The following ZNF331 variants were observed in gnomAD, a reference collection of about 807,000 sequenced individuals.
ZNF331 encodes the protein zinc finger protein 331.
ZNF331 carries 2 observed loss-of-function variants against 7.0 expected under a neutral mutation model. The observed-to-expected ratio is 0.29, with a 90% CI of 0.12 to 0.90. The LOEUF is 0.90. ZNF331 is among the 40% of genes least tolerant of loss of function. The pLI is 0.58. For synonymous variants in ZNF331, 196 were observed against 205.4 expected (o/e 0.95, Z 0.39); for missense variants, 432 against 587.7 (o/e 0.74, Z 2.74).
At chr19:53,540,703 C>CT (rs34174440) in intron 2 of ZNF331, among the ~76,000 whole-genome samples, 121,784 of 151,996 alleles carry the variant, frequency 0.8, 49,392 homozygotes, top group African/African-American at 0.89. Context: ...TCCCAAAGTG[C>CT]GGGATTACAG....
chr19:53,553,091 C>G (rs1282737974), intron 2 of ZNF331, among the ~76,000 whole-genome samples: 1 of 152,096 alleles, frequency 6.6e-6, no homozygotes, highest in Non-Finnish European at 1.5e-5. Flanking sequence ...TACCGTCTTT[C>G]AATTTACATG....
At chr19:53,507,022 C>T in the ZNF331 span, among the ~76,000 whole-genome samples, 1 of 152,152 alleles carries the variant, frequency 6.6e-6, no homozygotes, top group Non-Finnish European at 1.5e-5. Flanking sequence ...GTGATCCCCG[C>T]CCTGCCAGCA....
intron 4 of ZNF331, among the ~76,000 whole-genome samples, chr19:53,570,628 G>A (rs143585280): frequency 0.011 from 1,736 of 151,944 alleles, 37 homozygotes; most frequent in African/African-American, 0.039. Flanking sequence ...TGCCTCGCGG[G>A]TTCAAGTAAT....
chr19:53,567,205 C>T (rs140416856), intron 3 of ZNF331, among the ~76,000 whole-genome samples: 5 of 152,158 alleles, frequency 3.3e-5, no homozygotes, highest in Non-Finnish European at 7.3e-5. Flanking sequence ...AAAGTGCTCT[C>T]AGATGTCACC....
intron 3 of ZNF331, among the ~76,000 whole-genome samples, chr19:53,564,269 T>TTTTTA (rs1246879108): frequency 5.3e-5 from 8 of 151,508 alleles, no homozygotes; most frequent in Admixed American, 1.3e-4. Context: ...TATACGTACC[T>TTTTTA]TTTTATTTTA....
intron 2 of ZNF331, among the ~76,000 whole-genome samples, chr19:53,546,610 T>G (rs2088636626): frequency 6.6e-6 from 1 of 151,262 alleles, no homozygotes; most frequent in Non-Finnish European, 1.5e-5. Flanking sequence ...TGTGCTTGGG[T>G]AAGGAGGGGA....
chr19:53,526,975 G>A (rs2087326006), intron 2 of ZNF331, among the ~76,000 whole-genome samples: 1 of 151,638 alleles, frequency 6.6e-6, no homozygotes, highest in African/African-American at 2.4e-5. Flanking sequence ...CGGATCACGA[G>A]GTCAGGAGTT....
At chr19:53,527,139 C>T (rs750357507) in intron 2 of ZNF331, among the ~76,000 whole-genome samples, 2 of 151,284 alleles carry the variant, frequency 1.3e-5, no homozygotes, top group Non-Finnish European at 2.9e-5. Flanking sequence ...CAGTGAGAGC[C>T]GAGATTGTGC....
At position 53,551,173 on chromosome 19, in the gene ZNF331, A is replaced by G. The variant is rs901838549; in HGVS notation, c.-137-4672A>G. Reference sequence around the variant, plus strand: ...AGGACTCCCTTAACTTTCACTCCTTATAACGGGATTAATGCAGGCCAACTG... The same window carrying G: ...AGGACTCCCTTAACTTTCACTCCTTGTAACGGGATTAATGCAGGCCAACTG... On this transcript the variant is annotated intron_variant, in intron 2 of 5. Coordinates refer to ENST00000449416, the MANE Select transcript of ZNF331 (RefSeq NM_001079906.2). 5.3e-5 allele frequency among the ~76,000 whole-genome samples: 8 copies of G among 152,286 alleles called. No homozygotes were observed. The Middle Eastern group carries it at 0.01, about 194-fold the overall frequency.
chr19:53,510,757 G>A, the ZNF331 span, among the ~76,000 whole-genome samples: 157 of 150,324 alleles, frequency 1.0e-3, no homozygotes, highest in African/African-American at 3.8e-3. Flanking sequence ...TAGCTTATGA[G>A]CAATTGATTT....
In ZNF331 at chr19:53,578,592, A is replaced by T; in HGVS notation, c.*640A>T. 4.8e-6 allele frequency: 1 copy of T among 208,560 alleles called. No individual in the cohort carries two copies. The highest frequency in any genetic ancestry group is 5.9e-5 in the Admixed American group (1 of 17,034). 12.9% of individuals were successfully genotyped at this position (208,560 alleles called of 1,614,324 possible). ...GTATGTACAGGAAAAAATGTAGTAT[A>T]TAGTATCGTATATATGTACAGGAAA... On this transcript the variant is annotated 3_prime_UTR_variant, in exon 6 of 6. Transcript: ENST00000449416.
chr19:53,554,699 A>C (rs1191028739), intron 2 of ZNF331: 1 of 152,092 alleles, frequency 6.6e-6, no homozygotes, highest in African/African-American at 2.4e-5. Context: ...CGCAGGTGAG[A>C]TTGGCGCCCA....
chr19:53,543,854 A>G (rs1279950452), intron 2 of ZNF331, among the ~76,000 whole-genome samples: 1 of 152,230 alleles, frequency 6.6e-6, no homozygotes, highest in Non-Finnish European at 1.5e-5. Flanking sequence ...CACAACCTGT[A>G]TTCTTAATTT....
Position 53,578,003 on chromosome 19 carries a change from C to G in ZNF331, c.*51C>G. 1 of 1,539,772 alleles carries G rather than the reference C, an allele frequency of 6.5e-7. No individual in the cohort carries two copies. The highest frequency in any genetic ancestry group is 8.7e-7 in the Non-Finnish European group (1 of 1,142,964). On this transcript the variant is annotated 3_prime_UTR_variant, in exon 6 of 6. Coordinates refer to ENST00000449416, the MANE Select transcript of ZNF331 (RefSeq NM_001079906.2). ...CTCGTATCTATGGTTTCGCTTTCCA[C>G]AGTTTGTTACCTGCAGTCAACTGCA...
intron 3 of ZNF331, among the ~76,000 whole-genome samples, chr19:53,562,365 A>G (rs2089934820): frequency 6.6e-6 from 1 of 152,134 alleles, no homozygotes; most frequent in African/African-American, 2.4e-5. Context: ...ATAGTTAAAA[A>G]TGTTCACATG....
intron 2 of ZNF331, among the ~76,000 whole-genome samples, chr19:53,540,782 GC>G (rs71337420): frequency 0.8 from 121,353 of 151,480 alleles, 49,196 homozygotes; most frequent in African/African-American, 0.89. Flanking sequence ...TCTAGACACT[GC>G]CCCACATGCC....
chr19:53,576,546 G>T (rs2090733282), intron 5 of ZNF331, 151 bp from the exon 6 acceptor site: 1 of 645,300 alleles, frequency 1.5e-6, no homozygotes, highest in Non-Finnish European at 2.6e-6. Context: ...TGTACCAGAA[G>T]TAGAATCTAC....
intron 4 of ZNF331, among the ~76,000 whole-genome samples, chr19:53,570,984 G>A (rs1017409725): frequency 1.3e-5 from 2 of 151,060 alleles, no homozygotes; most frequent in African/African-American, 2.4e-5. Context: ...TCAGCCTCCC[G>A]AGTAGCTGGG....
At chr19:53,543,530 G>A (rs1200636081) in intron 2 of ZNF331, among the ~76,000 whole-genome samples, 1 of 151,878 alleles carries the variant, frequency 6.6e-6, no homozygotes, top group East Asian at 1.9e-4. Flanking sequence ...GCCTCCCAAA[G>A]TGCTGGGATT....
Sources: allele counts gnomAD v4.1 joint callset (sites outside exome capture counted in the v4.1 genomes callset), GRCh38; gene constraint gnomAD v4.1.1; transcripts MANE v1.5; gene names NCBI Gene and HGNC (gene_info 2026-07-23, HGNC 2026-07-21).